The following MACROD1 variants were observed in gnomAD, a reference collection of about 807,000 sequenced individuals.
MACROD1 encodes the protein ADP-ribose glycohydrolase MACROD1.
Under a neutral mutation model 41.4 loss-of-function variants are expected in MACROD1, and 31 were observed. That is an observed-to-expected ratio of 0.75 (90% confidence interval 0.56 to 1.01). MACROD1 has a LOEUF of 1.01. Among genes scored for constraint, MACROD1 ranks in the 50% least tolerant of loss-of-function variants. The probability of loss-of-function intolerance (pLI) is 0.00; values close to 1 mark genes in which losing one functional copy is unlikely to be tolerated. For missense variants in MACROD1, 473 were observed against 460.0 expected, an observed-to-expected ratio of 1.03 and a Z score of -0.26; for synonymous variants, 252 against 203.4, an observed-to-expected ratio of 1.24 and a Z score of -2.03.
chr11:64,097,002 CA>C (rs1944588461), intron 3 of MACROD1, among the ~76,000 whole-genome samples: 1 of 152,250 alleles, frequency 6.6e-6, no homozygotes, highest in Non-Finnish European at 1.5e-5. Context: ...GAGGAGATTG[CA>C]AAGGCACAAG....
chr11:64,135,925 T>A (rs1375931467), intron 3 of MACROD1, among the ~76,000 whole-genome samples: 1 of 152,128 alleles, frequency 6.6e-6, no homozygotes. Context: ...CAAGGACCCC[T>A]GGAGCAGCTT....
At chr11:64,029,507 T>C (rs907265794) in intron 3 of MACROD1, among the ~76,000 whole-genome samples, 4 of 152,038 alleles carry the variant, frequency 2.6e-5, no homozygotes, top group East Asian at 1.9e-4. Context: ...AGGCCCTACC[T>C]CTCGCTCCCA....
At chr11:64,104,553 C>T (rs893630692) in intron 3 of MACROD1, among the ~76,000 whole-genome samples, 6 of 152,048 alleles carry the variant, frequency 3.9e-5, no homozygotes, top group African/African-American at 9.7e-5. Context: ...GAGGCCTTGG[C>T]GGGGTGGTGG....
chr11:64,072,436 AT>A (rs201626910), intron 3 of MACROD1, among the ~76,000 whole-genome samples: 75 of 147,984 alleles, frequency 5.1e-4, no homozygotes, highest in African/African-American at 1.8e-3. Flanking sequence ...AAAAAAAAAA[AT>A]AATAATTACA....
In MACROD1 at chr11:64,108,084, CG is replaced by C. The variant is rs750124981; in HGVS notation, c.517+43154del. Among the ~76,000 whole-genome samples the C allele has an allele frequency of 4.5e-4, 69 of 152,188 alleles. 1 individual carries two copies. The highest frequency in any genetic ancestry group is 7.4e-4 in the Non-Finnish European group (50 of 68,002). Reference sequence around the variant, plus strand: ...ATCCCAGCACTTTGGGAGGCCGAGGCGGGCAGATCACCTGAGGTCAGGAGTT... The same window carrying C: ...ATCCCAGCACTTTGGGAGGCCGAGGCGGCAGATCACCTGAGGTCAGGAGTT... On this transcript the variant is annotated intron_variant, in intron 3 of 10. Coordinates refer to ENST00000255681, the MANE Select transcript of MACROD1 (RefSeq NM_014067.4).
chr11:64,105,447 T>A (rs1944744332), intron 3 of MACROD1, among the ~76,000 whole-genome samples: 1 of 152,216 alleles, frequency 6.6e-6, no homozygotes, highest in Non-Finnish European at 1.5e-5. Context: ...GTTGTGAGCA[T>A]GTGACCTTGG....
rs530534148 is a variant in MACROD1 at position 64,099,591 on chromosome 11, G to A, written c.517+51648C>T. On this transcript the variant is annotated intron_variant, in intron 3 of 10. Transcript: ENST00000255681. ...AGGTGAATAGATGGACTGATGGAGA[G>A]ACGGATGGAAGGATGAATACAGAGA... Among the ~76,000 whole-genome samples, 23 of 151,986 alleles carry A rather than the reference G, an allele frequency of 1.5e-4. No individual in the cohort carries two copies. The East Asian group carries it at 3.5e-3, about 23-fold the overall frequency.
chr11:64,156,671 C>A (rs1284399670), intron 1 of MACROD1, among the ~76,000 whole-genome samples: 1 of 152,200 alleles, frequency 6.6e-6, no homozygotes, highest in Non-Finnish European at 1.5e-5. Context: ...AGCATGGTAG[C>A]CTGGTCTGAG....
At chr11:64,047,047 C>G (rs560822544) in intron 3 of MACROD1, among the ~76,000 whole-genome samples, 22 of 152,308 alleles carry the variant, frequency 1.4e-4, no homozygotes, top group African/African-American at 2.2e-4. Context: ...CAGTGCCCCC[C>G]CCGGCTAGCA....
chr11:63,998,776 G>T, intron 10 of MACROD1, 62 bp downstream of exon 10: 1 of 1,443,410 alleles, frequency 6.9e-7, no homozygotes, highest in Admixed American at 2.8e-5. Flanking sequence ...GGGGGTGAGC[G>T]GGGGTTAGTG....
At chr11:64,068,066 A>G (rs1367755184) in intron 3 of MACROD1, among the ~76,000 whole-genome samples, 1 of 152,266 alleles carries the variant, frequency 6.6e-6, no homozygotes, top group Non-Finnish European at 1.5e-5. Context: ...ATACATTAAA[A>G]TGATTCTCAA....
chr11:64,142,853 C>T (rs989396064), intron 3 of MACROD1, among the ~76,000 whole-genome samples: 5 of 152,044 alleles, frequency 3.3e-5, no homozygotes, highest in East Asian at 1.9e-4. Context: ...TGGTGGCTCA[C>T]GGCTGTAGTC....
intron 3 of MACROD1, chr11:64,138,677 G>T: frequency 2.4e-6 from 1 of 413,142 alleles, no homozygotes; most frequent in Non-Finnish European, 3.3e-6. Context: ...AATGTCCGAA[G>T]ACAGGGAGGA....
intron 3 of MACROD1, among the ~76,000 whole-genome samples, chr11:64,083,276 A>G (rs1433232356): frequency 6.6e-6 from 1 of 152,116 alleles, no homozygotes; most frequent in Non-Finnish European, 1.5e-5. Flanking sequence ...TCTCTACTAA[A>G]ATACAAAAAA....
chr11:64,160,676 C>A (rs1301092264), intron 1 of MACROD1, among the ~76,000 whole-genome samples: 2 of 151,926 alleles, frequency 1.3e-5, no homozygotes, highest in Non-Finnish European at 2.9e-5. Flanking sequence ...ATTAGCCAGG[C>A]ATGGTGGCAC....
chr11:64,094,521 A>T (rs944950501), intron 3 of MACROD1, among the ~76,000 whole-genome samples: 1 of 151,906 alleles, frequency 6.6e-6, no homozygotes, highest in Non-Finnish European at 1.5e-5. Context: ...AACAGTTGTC[A>T]GTTAGAAATG....
At chr11:64,136,308 G>C (rs940694484) in intron 3 of MACROD1, among the ~76,000 whole-genome samples, 2 of 152,210 alleles carry the variant, frequency 1.3e-5, no homozygotes, top group Non-Finnish European at 2.9e-5. Flanking sequence ...AGGATACATA[G>C]GGAAAAGATC....
chr11:64,038,310 G>A (rs1219605602), intron 3 of MACROD1, among the ~76,000 whole-genome samples: 1 of 152,208 alleles, frequency 6.6e-6, no homozygotes, highest in Non-Finnish European at 1.5e-5. Context: ...CTCTGGGACC[G>A]GCTTCCTTGC....
intron 3 of MACROD1, chr11:64,118,318 C>T (rs750921137): frequency 6.5e-7 from 1 of 1,530,730 alleles, no homozygotes; most frequent in South Asian, 1.3e-5. Flanking sequence ...GCTGCCCCGC[C>T]TCAGCCCCAG....
Sources: gnomAD v4.1 joint callset for allele counts (sites outside exome capture counted in the v4.1 genomes callset) on GRCh38, gnomAD v4.1.1 for gene constraint, MANE v1.5 for transcripts, NCBI Gene and HGNC (gene_info 2026-07-23, HGNC 2026-07-21) for gene names.